Variants in FBXO15 observed in about 807,000 individuals in gnomAD.
FBXO15 encodes F-box only protein 15.
FBXO15 carries 30 observed loss-of-function variants against 49.5 expected under a neutral mutation model. The observed-to-expected ratio is 0.61, with a 90% CI of 0.45 to 0.82. FBXO15 has a LOEUF of 0.82. Ranked by LOEUF, FBXO15 falls within the 40% of genes least tolerant of loss-of-function variation. FBXO15 has a pLI of 0.00. For synonymous variants in FBXO15, 250 were observed against 232.7 expected, an observed-to-expected ratio of 1.07 and a Z score of -0.68; for missense variants, 591 against 631.5, an observed-to-expected ratio of 0.94 and a Z score of 0.69.
intron 8 of FBXO15, among the ~76,000 whole-genome samples, chr18:74,110,511 G>C (rs551954917): frequency 6.6e-6 from 1 of 151,640 alleles, no homozygotes; most frequent in South Asian, 2.1e-4. Context: ...AAGAACAAAA[G>C]TAACAAATAG....
rs1292655227 is a variant in FBXO15, at chr18:74,147,735, C to G, written c.51G>C (p.Gln17His). The G allele has an allele frequency of 1.0e-5, 16 of 1,537,106 alleles. No homozygotes were observed. Among genetic ancestry groups the G allele is most frequent in the Non-Finnish European group, 1.3e-5 (15 of 1,143,618 alleles). Residue 17 changes from glutamine to histidine, a missense_variant, in exon 1 of 10, where the codon CAG (glutamine) becomes CAC (histidine). Gln to His is a conservative substitution (Grantham distance 24, BLOSUM62 0). Transcript: ENST00000419743. ...CGCCCCTGCTGGGCCCGCGCAGCGT[C>G]TGGAGGCCGAGCCAGTGCTGCTGCA... is the stretch of plus-strand genomic sequence containing the variant. The part of the protein sequence containing the change: ...RILQQHWLGL[Q>H]TLRGPSRGGG...
At chr18:74,145,419 A>C (rs1180076263) in intron 1 of FBXO15, among the ~76,000 whole-genome samples, 1 of 152,154 alleles carries the variant, frequency 6.6e-6, no homozygotes, top group Non-Finnish European at 1.5e-5. Context: ...AAGGCAACTA[A>C]AGAAACTTAA....
chr18:74,143,585 T>C (rs1002873451), intron 1 of FBXO15, among the ~76,000 whole-genome samples: 2 of 152,140 alleles, frequency 1.3e-5, no homozygotes, highest in African/African-American at 2.4e-5. Flanking sequence ...CATCTCAGAG[T>C]TGTCTGCACT....
At chr18:74,126,347 G>T (rs930815480) in intron 5 of FBXO15, among the ~76,000 whole-genome samples, 1 of 152,146 alleles carries the variant, frequency 6.6e-6, no homozygotes. Context: ...CAATGACCCA[G>T]CCGGGAGGAA....
chr18:74,083,419 G>A (rs1912589222), intron 8 of FBXO15, among the ~76,000 whole-genome samples: 1 of 152,212 alleles, frequency 6.6e-6, no homozygotes, highest in African/African-American at 2.4e-5. Flanking sequence ...ATTCTGAATG[G>A]ACCAGATGTG....
intron 8 of FBXO15, among the ~76,000 whole-genome samples, chr18:74,095,221 G>C (rs113326803): frequency 1.3e-5 from 2 of 152,182 alleles, no homozygotes; most frequent in Non-Finnish European, 2.9e-5. Flanking sequence ...TTTATCATTT[G>C]TATGTTCACT....
intron 3 of FBXO15, among the ~76,000 whole-genome samples, chr18:74,132,890 G>C (rs573470766): frequency 1.3e-4 from 20 of 152,326 alleles, no homozygotes; most frequent in Middle Eastern, 3.4e-3. Flanking sequence ...CTCACGCAGA[G>C]ACAGGGCTCA....
chr18:74,077,531 A>G (rs1248118401), intron 9 of FBXO15, among the ~76,000 whole-genome samples: 1 of 152,180 alleles, frequency 6.6e-6, no homozygotes, highest in Non-Finnish European at 1.5e-5. Flanking sequence ...CTGGAACAGC[A>G]GCGACCAGCC....
At chr18:74,140,402 A>T in intron 1 of FBXO15, 90 bp from the exon 2 acceptor site, 1 of 1,142,870 alleles carries the variant, frequency 8.7e-7, no homozygotes, top group South Asian at 1.8e-5. Context: ...AGGATTCATA[A>T]ACTCCAAAGA....
intron 1 of FBXO15, among the ~76,000 whole-genome samples, chr18:74,145,789 G>A (rs186496050): frequency 8.7e-4 from 133 of 152,010 alleles, no homozygotes; most frequent in African/African-American, 3.0e-3. Context: ...TAGTAGAGAC[G>A]GGGTTTCACA....
In FBXO15 at chr18:74,130,646, G is replaced by T; in HGVS notation, c.345C>A (p.Ile115=). The T allele has an allele frequency of 1.2e-6, 2 of 1,612,450 alleles. No individual in the cohort carries two copies. Among genetic ancestry groups the T allele is most frequent in the Non-Finnish European group, 1.7e-6 (2 of 1,179,086 alleles). Residue 115 remains isoleucine, a synonymous_variant, in exon 4 of 10, where the codon ATC becomes ATA. Coordinates refer to ENST00000419743, the MANE Select transcript of FBXO15 (RefSeq NM_001142958.2). ...GTGAAAAAGCAGTTGAGTAGATTCC[G>T]ATCCAAATAAAACTGGAGGGAAAAG... ...YHLANDNFIW[I]GIYSTAFSPA...
In FBXO15 at chr18:74,129,647, C is replaced by A. The variant is rs764428805; in HGVS notation, c.576-33G>T. 1.2e-5 allele frequency: 19 copies of A among 1,554,090 alleles called. No homozygotes were observed. The African/African-American group carries it at 1.8e-4, about 15-fold the overall frequency. On this transcript the variant is annotated intron_variant, in intron 4 of 9. Transcript: ENST00000419743. Reference sequence around the variant, plus strand: ...AAGAAAAAAAAACTAACAATGTTTGCCTCATTGAAAAAAAAAAAATGCTAA... The same window carrying A: ...AAGAAAAAAAAACTAACAATGTTTGACTCATTGAAAAAAAAAAAATGCTAA...
At chr18:74,128,733 A>G (rs1030963193) in intron 5 of FBXO15, among the ~76,000 whole-genome samples, 5 of 152,246 alleles carry the variant, frequency 3.3e-5, no homozygotes, top group African/African-American at 1.2e-4. Context: ...TCAGAAAGGC[A>G]GAATGCCAGC....
At chr18:74,134,263 G>A (rs1291664778) in intron 3 of FBXO15, among the ~76,000 whole-genome samples, 1 of 152,040 alleles carries the variant, frequency 6.6e-6, no homozygotes, top group Non-Finnish European at 1.5e-5. Context: ...TGAGATCTGA[G>A]GGCTTATTCT....
At chr18:74,101,321 AG>A (rs1305017422) in intron 8 of FBXO15, among the ~76,000 whole-genome samples, 4 of 152,170 alleles carry the variant, frequency 2.6e-5, no homozygotes, top group African/African-American at 9.6e-5. Context: ...TGATCATCTC[AG>A]TAGATGCTGT....
chr18:74,115,635 T>A (rs978538008), intron 8 of FBXO15, among the ~76,000 whole-genome samples: 1 of 152,208 alleles, frequency 6.6e-6, no homozygotes, highest in African/African-American at 2.4e-5. Flanking sequence ...TTAGCCAGTA[T>A]AAGGCAAATT....
intron 8 of FBXO15, among the ~76,000 whole-genome samples, chr18:74,096,523 TA>T (rs1164654715): frequency 7.8e-6 from 1 of 128,940 alleles, no homozygotes; most frequent in Non-Finnish European, 1.7e-5. Context: ...ATACATCCCA[TA>T]AAAAAAAACA....
rs112984406 is a variant in FBXO15 at position 74,092,733 on chromosome 18, A to G, written c.1139-10682T>C. Among the ~76,000 whole-genome samples the G allele has an allele frequency of 2.3e-3, 351 of 152,278 alleles. 1 individual carries two copies. Among genetic ancestry groups the G allele is most frequent in the African/African-American group, 8.1e-3 (337 of 41,528 alleles). ...CCAGCTTTGTTCTTTGACCCCCCTC[A>G]GGATGGAAACCTGCTGTGTCAGAAG... On this transcript the variant is annotated intron_variant, in intron 8 of 9. Coordinates refer to ENST00000419743, the MANE Select transcript of FBXO15 (RefSeq NM_001142958.2).
chr18:74,094,645 G>A (rs981918643), intron 8 of FBXO15, among the ~76,000 whole-genome samples: 13 of 152,102 alleles, frequency 8.5e-5, no homozygotes, highest in African/African-American at 1.9e-4. Flanking sequence ...CTGTCATCTC[G>A]GCTGTGTTGT....
Sources: allele counts gnomAD v4.1 joint callset (sites outside exome capture counted in the v4.1 genomes callset), GRCh38; gene constraint gnomAD v4.1.1; transcripts MANE v1.5; gene names NCBI Gene and HGNC (gene_info 2026-07-23, HGNC 2026-07-21).